ASTN2: variants seen among roughly 807,000 people sequenced by gnomAD.
ASTN2 encodes astrotactin-2.
In ASTN2, 54 loss-of-function variants were observed where a neutral mutation model predicts 139.8. That is an observed-to-expected ratio of 0.39 (90% CI 0.31 to 0.48). ASTN2 has a LOEUF of 0.48. Among genes scored for constraint, ASTN2 ranks in the 20% least tolerant of loss-of-function variants. The probability of loss-of-function intolerance (pLI) is 0.95; values close to 1 mark genes in which losing one functional copy is unlikely to be tolerated. For synonymous variants in ASTN2, 756 were observed against 719.5 expected (o/e 1.05, Z -0.81); for missense variants, 1,565 against 1,725.1 (o/e 0.91, Z 1.64).
chr9:116,520,873 T>A (rs1850840592), intron 19 of ASTN2, among the ~76,000 whole-genome samples: 1 of 151,968 alleles, frequency 6.6e-6, no homozygotes, highest in Non-Finnish European at 1.5e-5. Context: ...AAGCTGGGAA[T>A]CAAATCAAGA....
chr9:116,771,493 T>G (rs1319208239), intron 13 of ASTN2, among the ~76,000 whole-genome samples: 1 of 152,136 alleles, frequency 6.6e-6, no homozygotes, highest in Admixed American at 6.5e-5. Flanking sequence ...ATCCCATAAG[T>G]ACCAAGAGGG....
chr9:117,244,009 C>T (rs965416570), intron 2 of ASTN2, among the ~76,000 whole-genome samples: 1 of 152,134 alleles, frequency 6.6e-6, no homozygotes, highest in African/African-American at 2.4e-5. Flanking sequence ...GTGTCCCCCA[C>T]TCACTATCAT....
At chr9:116,687,591 G>A (rs1225376750) in intron 16 of ASTN2, among the ~76,000 whole-genome samples, 1 of 148,700 alleles carries the variant, frequency 6.7e-6, no homozygotes, top group African/African-American at 2.5e-5. Context: ...GAGGAGATCC[G>A]AGGAGATGCA....
chr9:116,563,356 T>C (rs1020784822), intron 19 of ASTN2, among the ~76,000 whole-genome samples: 2 of 150,828 alleles, frequency 1.3e-5, no homozygotes, highest in Admixed American at 6.6e-5. Flanking sequence ...GCCTGGGTGA[T>C]AGAGCGAGAC....
At chr9:117,232,053 C>A (rs189206916) in intron 2 of ASTN2, among the ~76,000 whole-genome samples, 1 of 152,098 alleles carries the variant, frequency 6.6e-6, no homozygotes, top group African/African-American at 2.4e-5. Context: ...ACCCTGCCAC[C>A]TCCATGGGGC....
intron 3 of ASTN2, among the ~76,000 whole-genome samples, chr9:117,177,495 T>C (rs929449165): frequency 6.6e-6 from 1 of 152,182 alleles, no homozygotes; most frequent in Non-Finnish European, 1.5e-5. Flanking sequence ...TCTGGGACCT[T>C]AGAATTGTGT....
chr9:116,808,652 G>A (rs1402627927), intron 12 of ASTN2, among the ~76,000 whole-genome samples: 1 of 152,018 alleles, frequency 6.6e-6, no homozygotes, highest in Non-Finnish European at 1.5e-5. Flanking sequence ...ATATCATTGT[G>A]CCCAACTATG....
chr9:116,611,753 G>A (rs893165009), intron 19 of ASTN2: 9 of 152,024 alleles, frequency 5.9e-5, no homozygotes, highest in Non-Finnish European at 1.2e-4. Context: ...AACTAAATTA[G>A]TAGTTAAAAA....
At chr9:117,356,010 G>T (rs373239952) in intron 1 of ASTN2, among the ~76,000 whole-genome samples, 1 of 152,040 alleles carries the variant, frequency 6.6e-6, no homozygotes, top group Non-Finnish European at 1.5e-5. Context: ...AGAGTGTGCC[G>T]GTGCTTACAA....
At chr9:117,196,185 C>T (rs1034192253) in intron 3 of ASTN2, among the ~76,000 whole-genome samples, 2 of 152,088 alleles carry the variant, frequency 1.3e-5, no homozygotes, top group Non-Finnish European at 2.9e-5. Context: ...GTTACTTAAC[C>T]CCTCTTTGCT....
At chr9:117,371,530 T>C (rs1401831930) in intron 1 of ASTN2, among the ~76,000 whole-genome samples, 1 of 152,130 alleles carries the variant, frequency 6.6e-6, no homozygotes, top group Non-Finnish European at 1.5e-5. Flanking sequence ...ACTTAGGAGC[T>C]GGATAACGTG....
chr9:116,790,971 GAAAGAAAGAA>G (rs1830522548), intron 13 of ASTN2, among the ~76,000 whole-genome samples: 1 of 16,270 alleles, frequency 6.1e-5, no homozygotes, highest in Non-Finnish European at 1.6e-4. Context: ...AAGAAGGAAA[GAAAGAAAGAA>G]AGAAAGAAAG....
chr9:117,031,526 C>A (rs532156384), intron 6 of ASTN2, among the ~76,000 whole-genome samples: 1 of 152,190 alleles, frequency 6.6e-6, no homozygotes, highest in South Asian at 2.1e-4. Context: ...CAAATGTAAT[C>A]TCTATCCTTA....
At chr9:116,756,838 A>G (rs940354133) in intron 13 of ASTN2, among the ~76,000 whole-genome samples, 1 of 151,666 alleles carries the variant, frequency 6.6e-6, no homozygotes, top group Non-Finnish European at 1.5e-5. Context: ...CAATTCTGCT[A>G]TTTTGCACTA....
chr9:117,252,294 G>A (rs1833560454), intron 2 of ASTN2, among the ~76,000 whole-genome samples: 1 of 152,162 alleles, frequency 6.6e-6, no homozygotes, highest in African/African-American at 2.4e-5. Context: ...CAGAACTCTG[G>A]AGGCAAAACT....
chr9:117,243,057 T>C (rs1833263246), intron 2 of ASTN2, among the ~76,000 whole-genome samples: 1 of 152,250 alleles, frequency 6.6e-6, no homozygotes, highest in Non-Finnish European at 1.5e-5. Flanking sequence ...ACTTTGCATT[T>C]GCATAGATAA....
chr9:116,489,035 T>G, intron 19 of ASTN2, among the ~76,000 whole-genome samples: 1 of 152,188 alleles, frequency 6.6e-6, no homozygotes, highest in South Asian at 2.1e-4. Flanking sequence ...GTTGTTTTCT[T>G]CTTTTCTTCA....
At chr9:117,041,411 C>T (rs1838567741) in intron 5 of ASTN2, among the ~76,000 whole-genome samples, 1 of 152,116 alleles carries the variant, frequency 6.6e-6, no homozygotes, top group Non-Finnish European at 1.5e-5. Flanking sequence ...TCCTGAGATC[C>T]TCAGCTTATT....
intron 4 of ASTN2, among the ~76,000 whole-genome samples, chr9:117,110,348 T>C (rs551246149): frequency 6.6e-6 from 1 of 152,190 alleles, no homozygotes; most frequent in Admixed American, 6.5e-5. Context: ...CTTTATGCAC[T>C]GTTATACTCA....
Sources: allele counts gnomAD v4.1 joint callset (sites outside exome capture counted in the v4.1 genomes callset), GRCh38; gene constraint gnomAD v4.1.1; transcripts MANE v1.5; gene names NCBI Gene and HGNC (gene_info 2026-07-23, HGNC 2026-07-21).